Variants in RBFOX1 observed in about 807,000 individuals in gnomAD.
RBFOX1 encodes the protein RNA binding fox-1 homolog 1.
A neutral mutation model predicts 57.7 loss-of-function variants in RBFOX1; 8 were observed. The ratio of observed to expected loss-of-function variants is 0.14; its 90% confidence interval spans 0.08 to 0.25. The LOEUF (loss-of-function observed/expected upper bound fraction) is 0.25, where lower values mean the gene tolerates loss of function less well. Ranked by LOEUF, RBFOX1 falls within the 10% of genes least tolerant of loss-of-function variation. RBFOX1 has a pLI of 1.00. For synonymous variants in RBFOX1, 326 were observed against 222.4 expected (o/e 1.47, Z -4.15); for missense variants, 611 against 548.5 (o/e 1.11, Z -1.14).
chr16:5,298,180 T>C (rs2063714540), intron 1 of RBFOX1, among the ~76,000 whole-genome samples: 1 of 152,230 alleles, frequency 6.6e-6, no homozygotes, highest in Non-Finnish European at 1.5e-5. Context: ...TAAGAAAATT[T>C]GGAAGTTTGG....
chr16:6,890,197 C>T (rs2065074289), intron 3 of RBFOX1, among the ~76,000 whole-genome samples: 1 of 152,082 alleles, frequency 6.6e-6, no homozygotes, highest in Non-Finnish European at 1.5e-5. Flanking sequence ...CTGCTGTAAG[C>T]CTTTTGGTAC....
intron 10 of RBFOX1, among the ~76,000 whole-genome samples, chr16:7,627,801 A>G (rs1039082955): frequency 6.6e-6 from 1 of 152,258 alleles, no homozygotes; most frequent in Non-Finnish European, 1.5e-5. Flanking sequence ...CTAAGGGAAC[A>G]TACAGTAAGT....
At chr16:6,881,905 C>T (rs917108725) in intron 3 of RBFOX1, among the ~76,000 whole-genome samples, 1 of 152,092 alleles carries the variant, frequency 6.6e-6, no homozygotes, top group Non-Finnish European at 1.5e-5. Flanking sequence ...TGCTGTATAG[C>T]AGGATTTAGA....
At chr16:7,318,392 G>A (rs2096484213) in intron 4 of RBFOX1, among the ~76,000 whole-genome samples, 1 of 152,112 alleles carries the variant, frequency 6.6e-6, no homozygotes, top group African/African-American at 2.4e-5. Flanking sequence ...TTGGTGATGA[G>A]AGTGATTCTG....
chr16:5,820,205 T>A (rs1166534432), intron 3 of RBFOX1, among the ~76,000 whole-genome samples: 2 of 152,182 alleles, frequency 1.3e-5, no homozygotes, highest in Non-Finnish European at 2.9e-5. Context: ...TTGCCCCTGG[T>A]CCATACTCAC....
At chr16:5,709,714 G>GGT (rs1437931832) in intron 3 of RBFOX1, among the ~76,000 whole-genome samples, 5 of 82,044 alleles carry the variant, frequency 6.1e-5, no homozygotes, top group African/African-American at 9.3e-5. Flanking sequence ...GGTATTCTAT[G>GGT]GTATATATAT....
intron 1 of RBFOX1, among the ~76,000 whole-genome samples, chr16:6,065,423 A>T (rs2095748781): frequency 6.6e-6 from 1 of 151,990 alleles, no homozygotes; most frequent in African/African-American, 2.4e-5. Flanking sequence ...GTGTGTTCTT[A>T]GGTGGTTTGC....
intron 2 of RBFOX1, among the ~76,000 whole-genome samples, chr16:6,426,254 A>T (rs769744331): frequency 1.3e-5 from 2 of 151,962 alleles, no homozygotes; most frequent in Admixed American, 6.6e-5. Context: ...GGCAGGTTCA[A>T]AAACAGATGG....
chr16:7,670,323 C>T (rs552173354), intron 13 of RBFOX1, among the ~76,000 whole-genome samples: 5 of 152,262 alleles, frequency 3.3e-5, no homozygotes, highest in South Asian at 2.1e-4. Context: ...TCAGCCACCA[C>T]GTGTGGCCAA....
At chr16:6,516,689 A>G (rs1358874171) in intron 2 of RBFOX1, among the ~76,000 whole-genome samples, 1 of 152,214 alleles carries the variant, frequency 6.6e-6, no homozygotes, top group Non-Finnish European at 1.5e-5. Context: ...ATCACCAATT[A>G]TTCGTGGTGC....
intron 1 of RBFOX1, among the ~76,000 whole-genome samples, chr16:6,195,444 G>A (rs533279461): frequency 3.9e-5 from 6 of 152,288 alleles, no homozygotes; most frequent in South Asian, 2.1e-4. Context: ...TGGGCCGGGC[G>A]CAGTGGCTCA....
intron 4 of RBFOX1, among the ~76,000 whole-genome samples, chr16:7,458,899 A>C (rs2059037718): frequency 6.6e-6 from 1 of 152,226 alleles, no homozygotes; most frequent in Non-Finnish European, 1.5e-5. Flanking sequence ...CTGCACTAGC[A>C]TGTAAGCTCC....
chr16:6,460,976 C>T (rs772378282), intron 2 of RBFOX1, among the ~76,000 whole-genome samples: 1 of 152,110 alleles, frequency 6.6e-6, no homozygotes, highest in African/African-American at 2.4e-5. Flanking sequence ...AAACTGGAAG[C>T]CATTACCTTA....
At chr16:6,709,698 TAC>T (rs747548496) in intron 3 of RBFOX1, among the ~76,000 whole-genome samples, 8 of 152,144 alleles carry the variant, frequency 5.3e-5, no homozygotes, top group East Asian at 1.9e-4. Context: ...TTATTGTAAT[TAC>T]AGTGTTGCGG....
At chr16:5,587,012 A>C (rs1002684024) in intron 2 of RBFOX1, among the ~76,000 whole-genome samples, 2 of 152,200 alleles carry the variant, frequency 1.3e-5, no homozygotes, top group Non-Finnish European at 2.9e-5. Flanking sequence ...AATCCTGAAA[A>C]GAAGGCAAGT....
intron 4 of RBFOX1, chr16:7,423,107 G>T (rs2098558402): frequency 6.7e-6 from 1 of 150,276 alleles, no homozygotes; most frequent in African/African-American, 2.5e-5. Context: ...GAGAGAGAGA[G>T]AGAGAGAGAG....
intron 3 of RBFOX1, among the ~76,000 whole-genome samples, chr16:6,677,200 T>C (rs1021073291): frequency 1.3e-5 from 2 of 152,136 alleles, no homozygotes; most frequent in East Asian, 3.9e-4. Context: ...AATGAGTAAG[T>C]GGCAGGACTA....
intron 4 of RBFOX1, among the ~76,000 whole-genome samples, chr16:7,053,569 A>T (rs1006354866): frequency 5.3e-5 from 8 of 152,196 alleles, no homozygotes; most frequent in Admixed American, 1.3e-4. Context: ...TTAAGATAAT[A>T]TTGAAATCTC....
At chr16:7,284,899 A>C (rs2095618348) in intron 4 of RBFOX1, among the ~76,000 whole-genome samples, 1 of 151,956 alleles carries the variant, frequency 6.6e-6, no homozygotes, top group Admixed American at 6.6e-5. Context: ...CTGAGCATGC[A>C]CACTCTTTCT....
Sources: allele counts gnomAD v4.1 joint callset (sites outside exome capture counted in the v4.1 genomes callset), GRCh38; gene constraint gnomAD v4.1.1; transcripts MANE v1.5; gene names NCBI Gene and HGNC (gene_info 2026-07-23, HGNC 2026-07-21).